Variants in MTRF1 observed in about 807,000 individuals in gnomAD.
MTRF1 encodes the protein mitochondrial translation release factor 1.
MTRF1 carries 51 observed loss-of-function variants against 62.9 expected under a neutral mutation model. That is an observed-to-expected ratio of 0.81 (90% confidence interval 0.65 to 1.02). The LOEUF is 1.02. Among genes scored for constraint, MTRF1 ranks in the 50% least tolerant of loss-of-function variants. MTRF1 has a pLI of 0.00. For missense variants in MTRF1, 446 were observed against 530.0 expected (o/e 0.84, Z 1.56); for synonymous variants, 158 against 181.9 (o/e 0.87, Z 1.06).
At chr13:41,236,049 ACACACAGACACACG>A (rs2036490517) in intron 6 of MTRF1, 1 of 151,356 alleles carries the variant, frequency 6.6e-6, no homozygotes, top group East Asian at 1.9e-4. Flanking sequence ...ACAGACACAC[ACACACAGACACACG>A]CACACACACA....
the MTRF1 span, among the ~76,000 whole-genome samples, chr13:41,269,558 C>T: frequency 6.6e-6 from 1 of 151,070 alleles, no homozygotes; most frequent in Non-Finnish European, 1.5e-5. Flanking sequence ...AAATTGTTCA[C>T]TTTTTTAAAA....
chr13:41,297,448 C>T, the MTRF1 span, among the ~76,000 whole-genome samples: 1 of 152,218 alleles, frequency 6.6e-6, no homozygotes, highest in Non-Finnish European at 1.5e-5. Flanking sequence ...AAAACTGCAG[C>T]TTTTGCCAGT....
At chr13:41,231,518 T>A (rs2035552703) in intron 7 of MTRF1, among the ~76,000 whole-genome samples, 1 of 152,226 alleles carries the variant, frequency 6.6e-6, no homozygotes, top group Admixed American at 6.5e-5. Flanking sequence ...ACCTTGACTT[T>A]ACTCTCAGCT....
intron 8 of MTRF1, among the ~76,000 whole-genome samples, chr13:41,225,479 A>G (rs1185378770): frequency 6.6e-6 from 1 of 152,164 alleles, no homozygotes; most frequent in Non-Finnish European, 1.5e-5. Flanking sequence ...TAATAGTGTT[A>G]ATATTATTTA....
chr13:41,259,712 A>AAAAAAAAAAACAAAAAAAAAAAAAC (rs1555268029), intron 2 of MTRF1, among the ~76,000 whole-genome samples: 15 of 136,758 alleles, frequency 1.1e-4, no homozygotes, highest in Non-Finnish European at 2.0e-4. Context: ...AAAAAAAAAA[A>AAAAAAAAAAACAAAAAAAAAAAAAC]AAAAAAAAAC....
At chr13:41,275,458 C>CA in the MTRF1 span, among the ~76,000 whole-genome samples, 4 of 151,368 alleles carry the variant, frequency 2.6e-5, no homozygotes. Flanking sequence ...CCTCGGCCTC[C>CA]CAAAGTGCTG....
At chr13:41,248,397 C>T (rs1022429855) in intron 5 of MTRF1, among the ~76,000 whole-genome samples, 2 of 152,368 alleles carry the variant, frequency 1.3e-5, no homozygotes, top group Non-Finnish European at 2.9e-5. Flanking sequence ...GCTGTGATTA[C>T]AGGCGTAAGC....
the MTRF1 span, among the ~76,000 whole-genome samples, chr13:41,303,888 G>A: frequency 6.6e-6 from 1 of 152,192 alleles, no homozygotes; most frequent in African/African-American, 2.4e-5. Flanking sequence ...AACCTTTGTA[G>A]TAGAGCAAAT....
intron 3 of MTRF1, among the ~76,000 whole-genome samples, chr13:41,253,991 C>G (rs1298667052): frequency 1.3e-5 from 2 of 152,136 alleles, no homozygotes; most frequent in East Asian, 1.9e-4. Context: ...TGAAAAGAGA[C>G]CACTATGGAA....
chr13:41,311,139 CA>C, the MTRF1 span: 1 of 312,856 alleles, frequency 3.2e-6, no homozygotes, highest in Non-Finnish European at 5.9e-6. Flanking sequence ...AGGAGAGCCG[CA>C]GCACAAGGCA....
the MTRF1 span, among the ~76,000 whole-genome samples, chr13:41,292,446 T>C: frequency 6.6e-6 from 1 of 151,530 alleles, no homozygotes; most frequent in Non-Finnish European, 1.5e-5. Flanking sequence ...TAGCTGGGCG[T>C]GGTGGGTGCC....
upstream of MTRF1, among the ~76,000 whole-genome samples, chr13:41,264,268 ATG>A (rs1566199883): frequency 6.6e-6 from 1 of 150,676 alleles, no homozygotes; most frequent in African/African-American, 2.4e-5. Flanking sequence ...GTATTTCCAC[ATG>A]TTAGTGATTT....
Position 41,240,392 on chromosome 13 carries a change from C to A in MTRF1, c.739G>T (p.Val247Phe). 1 of 1,613,750 alleles carries A rather than the reference C, an allele frequency of 6.2e-7. No individual in the cohort carries two copies. Among genetic ancestry groups the A allele is most frequent in the Non-Finnish European group, 8.5e-7 (1 of 1,179,830 alleles). ...CCCTCATACTTCAAATGCTTATAGA[C>A]ACCGTCACCGGAAATTCGGGCGGCT... ...HAAARISGDG[V>F]YKHLKYEGGI... Residue 247 changes from valine (V) to phenylalanine (F), a missense_variant, in exon 6 of 10, where the codon GTC (valine) becomes TTC (phenylalanine). Val to Phe is a conservative substitution (Grantham distance 50, BLOSUM62 -1). Transcript: ENST00000379480.
the MTRF1 span, among the ~76,000 whole-genome samples, chr13:41,281,259 G>T: frequency 6.6e-6 from 1 of 152,142 alleles, no homozygotes; most frequent in Non-Finnish European, 1.5e-5. Flanking sequence ...AGATTTTCCC[G>T]CTCACTGTTA....
rs188335089 is a variant in MTRF1, at chr13:41,250,648, C to G, written c.697+1997G>C. ...AGCTGAGATTACAGGTGTGCACCACCACACCCAGCTAATTTTTGTATTGTT... is the reference window on the plus strand; with the variant it reads ...AGCTGAGATTACAGGTGTGCACCACGACACCCAGCTAATTTTTGTATTGTT... On this transcript the variant is annotated intron_variant, in intron 5 of 9. Coordinates refer to ENST00000379480, the MANE Select transcript of MTRF1 (RefSeq NM_004294.4). Among the ~76,000 whole-genome samples, 1,094 of 152,196 alleles carry G rather than the reference C, an allele frequency of 7.2e-3. 6 individuals are homozygous for G. The highest frequency in any genetic ancestry group is 0.015 in the Admixed American group (225 of 15,282).
chr13:41,266,080 C>T (rs1249641193), upstream of MTRF1, among the ~76,000 whole-genome samples: 7 of 152,094 alleles, frequency 4.6e-5, no homozygotes, highest in Non-Finnish European at 8.8e-5. Flanking sequence ...ATCTCTTGAC[C>T]TTGTGATCTG....
rs779071664 is a variant in MTRF1, at chr13:41,223,354, C to T, written c.1126G>A (p.Val376Met). The T allele has an allele frequency of 1.2e-5, 19 of 1,612,840 alleles. 1 individual carries two copies. In the South Asian group the frequency reaches 2.1e-4, roughly 18 times the overall value. Residue 376 changes from valine to methionine, a missense_variant and splice_region_variant, in exon 9 of 10, where the codon GTG becomes ATG. Coordinates refer to ENST00000379480, the MANE Select transcript of MTRF1 (RefSeq NM_004294.4). ...RQQQSARKLQVGTRAQSERIR... is the reference protein window; with the variant it reads ...RQQQSARKLQMGTRAQSERIR... ...CGCTCTGACTGGGCTCTTGTTCCCA[C>T]CTGTGCCATAACAAAAAGCAATTTA... is the stretch of plus-strand genomic sequence containing the variant.
intron 9 of MTRF1, among the ~76,000 whole-genome samples, chr13:41,222,015 A>G (rs2033472847): frequency 6.6e-6 from 1 of 152,246 alleles, no homozygotes; most frequent in African/African-American, 2.4e-5. Flanking sequence ...TAAGACATAC[A>G]GAAATTGACA....
intron 7 of MTRF1, among the ~76,000 whole-genome samples, chr13:41,231,784 T>C (rs2035603292): frequency 6.6e-6 from 1 of 151,762 alleles, no homozygotes; most frequent in South Asian, 2.1e-4. Flanking sequence ...CTCATGTCTG[T>C]TATCCCAACA....
Sources: gnomAD v4.1 joint callset for allele counts (sites outside exome capture counted in the v4.1 genomes callset) on GRCh38, gnomAD v4.1.1 for gene constraint, MANE v1.5 for transcripts, NCBI Gene and HGNC (gene_info 2026-07-23, HGNC 2026-07-21) for gene names.